DIAPH2: variants seen among roughly 807,000 people sequenced by gnomAD.
DIAPH2 encodes the protein protein diaphanous homolog 2.
Under a neutral mutation model 92.7 loss-of-function variants are expected in DIAPH2, and 35 were observed. The observed-to-expected ratio is 0.38, with a 90% CI of 0.29 to 0.50. DIAPH2 has a LOEUF of 0.50. Among genes scored for constraint, DIAPH2 ranks in the 20% least tolerant of loss-of-function variants. The pLI is 0.94. For missense variants in DIAPH2, 701 were observed against 819.5 expected (o/e 0.86, Z 1.77); for synonymous variants, 301 against 280.4 (o/e 1.07, Z -0.73).
At chrX:96,796,166 AT>A (rs1278646805) in intron 4 of DIAPH2, among the ~76,000 whole-genome samples, 4 of 110,585 alleles carry the variant, frequency 3.6e-5, no homozygotes, top group Admixed American at 9.6e-5. Flanking sequence ...TTATTTTTTT[AT>A]TTTTAGTTTT....
chrX:97,182,490 T>G (rs1315062921), intron 22 of DIAPH2, among the ~76,000 whole-genome samples: 1 of 111,465 alleles, frequency 9.0e-6, no homozygotes, highest in Non-Finnish European at 1.9e-5. Flanking sequence ...TTGATAGGAA[T>G]CATCATCATC....
intron 4 of DIAPH2, among the ~76,000 whole-genome samples, chrX:96,806,189 A>G (rs992647156): frequency 9.9e-5 from 11 of 111,602 alleles, no homozygotes; most frequent in African/African-American, 2.6e-4. Flanking sequence ...CGTGTCACAA[A>G]TTTCTACCTC....
chrX:97,117,133 T>C (rs758884590), intron 21 of DIAPH2, among the ~76,000 whole-genome samples: 2 of 109,151 alleles, frequency 1.8e-5, no homozygotes, highest in African/African-American at 6.7e-5. Flanking sequence ...TTCAGTAAGA[T>C]TTTTATCTTC....
At chrX:97,129,856 A>G (rs113481546) in intron 21 of DIAPH2, among the ~76,000 whole-genome samples, 10,614 of 110,346 alleles carry the variant, frequency 0.096, 832 homozygotes, top group African/African-American at 0.24. Context: ...TTCGTAAATA[A>G]TATATTTGAT....
intron 21 of DIAPH2, among the ~76,000 whole-genome samples, chrX:97,126,418 G>A (rs1222802506): frequency 8.9e-6 from 1 of 112,062 alleles, no homozygotes; most frequent in East Asian, 2.8e-4. Context: ...GAGAATCTAA[G>A]GATTATTTAT....
chrX:97,057,190 A>C (rs1044084494), intron 17 of DIAPH2, among the ~76,000 whole-genome samples: 1 of 112,005 alleles, frequency 8.9e-6, no homozygotes, highest in African/African-American at 3.2e-5. Context: ...TTTTAAATAA[A>C]ACCTGAAACA....
chrX:97,254,691 T>G (rs1378164038), intron 23 of DIAPH2, among the ~76,000 whole-genome samples: 1 of 108,360 alleles, frequency 9.2e-6, no homozygotes, highest in Non-Finnish European at 1.9e-5. Context: ...TAACTTTATT[T>G]TATTTTATTT....
At chrX:96,831,821 C>T (rs1039102739) in intron 4 of DIAPH2, among the ~76,000 whole-genome samples, 3 of 111,476 alleles carry the variant, frequency 2.7e-5, no homozygotes, top group African/African-American at 9.8e-5. Flanking sequence ...TATTATGTGT[C>T]AGTGAGGGTC....
At chrX:97,295,534 T>C (rs1372194036) in intron 23 of DIAPH2, among the ~76,000 whole-genome samples, 1 of 111,241 alleles carries the variant, frequency 9.0e-6, no homozygotes, top group Non-Finnish European at 1.9e-5. Flanking sequence ...CTCAGAACTA[T>C]CCTATGAGTT....
rs181574324 is a variant in DIAPH2 at position 97,277,229 on chromosome X, T to C, written c.2844+29390T>C. On this transcript the variant is annotated intron_variant, in intron 23 of 26. Coordinates refer to ENST00000324765, the MANE Select transcript of DIAPH2 (RefSeq NM_006729.5). ...GGCGTGGACCTCTAATCCCAGCTAC[T>C]TGGGAGGCTGAGGCAGGAGAATTAC... Among the ~76,000 whole-genome samples, 12 of 111,215 alleles carry C rather than the reference T, an allele frequency of 1.1e-4. No homozygotes were observed. In the South Asian group the frequency reaches 1.5e-3, roughly 14 times the overall value.
intron 4 of DIAPH2, among the ~76,000 whole-genome samples, chrX:96,784,914 A>G (rs1040753174): frequency 1.8e-5 from 2 of 112,406 alleles, no homozygotes; most frequent in Non-Finnish European, 3.8e-5. Context: ...AGATCATCTC[A>G]GAAAAGATGA....
At chrX:97,215,701 A>C (rs1378728064) in intron 22 of DIAPH2, among the ~76,000 whole-genome samples, 1 of 111,812 alleles carries the variant, frequency 8.9e-6, no homozygotes, top group Admixed American at 9.5e-5. Context: ...TGTTTGTGCC[A>C]TTAAGACACT....
In DIAPH2 at chrX:97,583,824, A is replaced by G. The variant is rs1840574526; in HGVS notation, c.3242-15429A>G. 2.7e-5 allele frequency among the ~76,000 whole-genome samples: 3 copies of G among 111,719 alleles called. No homozygotes were observed. In the South Asian group the frequency reaches 1.2e-3, roughly 43 times the overall value. ...CAGACTGCTGTGCTAGCAATCAGCGAGACTCGGTGGGGTAGGGCCCTCCGA... is the reference window on the plus strand; with the variant it reads ...CAGACTGCTGTGCTAGCAATCAGCGGGACTCGGTGGGGTAGGGCCCTCCGA... On this transcript the variant is annotated intron_variant, in intron 26 of 26. Coordinates refer to ENST00000324765, the MANE Select transcript of DIAPH2 (RefSeq NM_006729.5).
intron 17 of DIAPH2, among the ~76,000 whole-genome samples, chrX:96,982,031 T>C (rs2066001063): frequency 8.9e-6 from 1 of 111,897 alleles, no homozygotes; most frequent in Non-Finnish European, 1.9e-5. Flanking sequence ...AATGACTCCA[T>C]TTGCCCACTA....
At chrX:96,939,541 T>A (rs1434414978) in intron 12 of DIAPH2, among the ~76,000 whole-genome samples, 159 bp downstream of exon 12, 1 of 81,276 alleles carries the variant, frequency 1.2e-5, no homozygotes, top group Non-Finnish European at 2.4e-5. Context: ...TATATATATA[T>A]GTATGTATAT....
chrX:97,583,294 T>C (rs1159476304), intron 26 of DIAPH2, among the ~76,000 whole-genome samples: 1 of 110,359 alleles, frequency 9.1e-6, no homozygotes, highest in Non-Finnish European at 1.9e-5. Context: ...TTTTTCCCCA[T>C]CTTTGTGGTT....
At chrX:97,206,371 T>A (rs1337932925) in intron 22 of DIAPH2, among the ~76,000 whole-genome samples, 1 of 111,900 alleles carries the variant, frequency 8.9e-6, no homozygotes, top group Non-Finnish European at 1.9e-5. Flanking sequence ...TTATCAGCAT[T>A]CTTTAACTCT....
chrX:96,895,782 G>C (rs2065341084), intron 5 of DIAPH2, among the ~76,000 whole-genome samples: 1 of 111,925 alleles, frequency 8.9e-6, no homozygotes, highest in South Asian at 3.7e-4. Flanking sequence ...TGAAAATTCA[G>C]TATAACCAAA....
At chrX:97,021,066 C>T (rs1003870660) in intron 17 of DIAPH2, among the ~76,000 whole-genome samples, 2 of 112,097 alleles carry the variant, frequency 1.8e-5, no homozygotes, top group Non-Finnish European at 3.8e-5. Context: ...GGACATTACT[C>T]TTGGTTTCTT....
Sources: gnomAD v4.1 joint callset for allele counts (sites outside exome capture counted in the v4.1 genomes callset) on GRCh38, gnomAD v4.1.1 for gene constraint, MANE v1.5 for transcripts, NCBI Gene and HGNC (gene_info 2026-07-23, HGNC 2026-07-21) for gene names.